The following GARRE1 variants were observed in gnomAD, a reference collection of about 807,000 sequenced individuals.
GARRE1 encodes the protein granule associated Rac and RHOG effector protein 1.
Under a neutral mutation model 103.2 loss-of-function variants are expected in GARRE1, and 49 were observed. The ratio of observed to expected loss-of-function variants is 0.47; its 90% confidence interval spans 0.38 to 0.60. GARRE1 has a LOEUF of 0.60. GARRE1 is among the 20% of genes least tolerant of loss of function. The pLI, the probability that GARRE1 is intolerant of heterozygous loss-of-function variation, is 0.00. For missense variants in GARRE1, 1,199 were observed against 1,370.5 expected (o/e 0.87, Z 1.98); for synonymous variants, 505 against 532.8 (o/e 0.95, Z 0.72).
At chr19:34,321,336 A>G (rs1037264445) in intron 3 of GARRE1, among the ~76,000 whole-genome samples, 1 of 147,112 alleles carries the variant, frequency 6.8e-6, no homozygotes, top group Non-Finnish European at 1.5e-5. Flanking sequence ...TTGGCCTCCC[A>G]AAGTGCTGGG....
intron 2 of GARRE1, among the ~76,000 whole-genome samples, 196 bp from the exon 3 acceptor site, chr19:34,319,711 T>C (rs2074076246): frequency 6.6e-6 from 1 of 152,186 alleles, no homozygotes; most frequent in South Asian, 2.1e-4. Context: ...ATGTTTTGAC[T>C]TCCAGGCATC....
intron 10 of GARRE1, 48 bp from the exon 11 acceptor site, chr19:34,347,829 G>A: frequency 1.4e-6 from 2 of 1,457,350 alleles, no homozygotes; most frequent in Non-Finnish European, 1.8e-6. Flanking sequence ...GAAGGACCAA[G>A]AGGCCAGTTT....
At chr19:34,326,027 T>C (rs959654669) in intron 3 of GARRE1, among the ~76,000 whole-genome samples, 4 of 152,260 alleles carry the variant, frequency 2.6e-5, no homozygotes, top group Admixed American at 2.0e-4. Context: ...TTCTGTGTTT[T>C]CTTTGTTCAC....
chr19:34,343,403 C>A (rs1283718398), intron 10 of GARRE1, among the ~76,000 whole-genome samples: 1 of 151,350 alleles, frequency 6.6e-6, no homozygotes, highest in East Asian at 2.0e-4. Flanking sequence ...TGCCACTACA[C>A]CCCAGCCTGG....
At chr19:34,327,334 G>T in intron 3 of GARRE1, 87 bp from the exon 4 acceptor site, 2 of 1,214,122 alleles carry the variant, frequency 1.6e-6, no homozygotes, top group Non-Finnish European at 2.4e-6. Context: ...TACTTGAGGG[G>T]GTTTTTCTTG....
chr19:34,254,735 CGCTCCGCTCGGGGCCGCAGGGCGCG>C (rs1255265232), intron 1 of GARRE1, 121 bp downstream of exon 1: 1 of 147,530 alleles, frequency 6.8e-6, no homozygotes, highest in Non-Finnish European at 1.5e-5. Flanking sequence ...CGCGGGGCGC[CGCTCCGCTCGGGGCCGCAGGGCGCG>C]GGGCCGTGGG....
At chr19:34,259,430 A>G (rs1018645066) in intron 1 of GARRE1, among the ~76,000 whole-genome samples, 1 of 152,212 alleles carries the variant, frequency 6.6e-6, no homozygotes, top group Admixed American at 6.5e-5. Flanking sequence ...GCTCACATTT[A>G]TGGAGTACCT....
rs1434597528 is a variant in GARRE1, at chr19:34,327,945, A to G, written c.943-45A>G. 3 of 1,613,798 alleles carry G rather than the reference A, an allele frequency of 1.9e-6. No homozygotes were observed. The Admixed American group carries it at 5.0e-5, about 27-fold the overall frequency. ...TAGTGTGAACCAAGTGTTTTGACAG[A>G]TGAGCGATGGGTCACCTCTCCTCTT... On this transcript the variant is annotated intron_variant, in intron 5 of 13. Transcript: ENST00000299505.
At chr19:34,332,978 A>G (rs1344520858) in intron 7 of GARRE1, among the ~76,000 whole-genome samples, 1 of 152,154 alleles carries the variant, frequency 6.6e-6, no homozygotes, top group Non-Finnish European at 1.5e-5. Flanking sequence ...GATAATCTTT[A>G]AAAAAGTTTC....
At chr19:34,256,260 C>T (rs2073672130) in intron 1 of GARRE1, among the ~76,000 whole-genome samples, 5 of 151,434 alleles carry the variant, frequency 3.3e-5, no homozygotes, top group Admixed American at 2.6e-4. Flanking sequence ...GCCTGTAATC[C>T]CAGCACTTTG....
chr19:34,314,837 G>T (rs1049757507), intron 2 of GARRE1, among the ~76,000 whole-genome samples: 1 of 152,042 alleles, frequency 6.6e-6, no homozygotes, highest in Non-Finnish European at 1.5e-5. Context: ...ACTTTCTATA[G>T]CCCAGGCATG....
chr19:34,300,646 C>T lies in GARRE1; in HGVS notation c.173C>T (p.Thr58Ile), dbSNP rs1386494782. ...TATTAPLGSL[T>I]AAGSCHHAMP... ...ACCACTGCCCCCCTGGGCAGTCTGA[C>T]CGCTGCAGGCAGCTGCCACCATGCC... Residue 58 changes from threonine (T) to isoleucine (I), a missense_variant, in exon 2 of 14, where the codon ACC (threonine) becomes ATC (isoleucine). Thr to Ile is a moderately conservative substitution (Grantham distance 89). Transcript: ENST00000299505. The T allele has an allele frequency of 6.2e-7, 1 of 1,613,840 alleles. No individual in the cohort carries two copies. Among genetic ancestry groups the T allele is most frequent in the African/African-American group, 1.3e-5 (1 of 75,074 alleles).
chr19:34,302,125 G>A (rs1384453520), intron 2 of GARRE1, among the ~76,000 whole-genome samples: 1 of 150,372 alleles, frequency 6.7e-6, no homozygotes, highest in Non-Finnish European at 1.5e-5. Context: ...TGAGTAGCTG[G>A]GATTACAGGC....
chr19:34,268,348 T>C (rs888185599), intron 1 of GARRE1, among the ~76,000 whole-genome samples: 2 of 152,226 alleles, frequency 1.3e-5, no homozygotes, highest in African/African-American at 2.4e-5. Flanking sequence ...GACAAAACTT[T>C]CCTTGGCGGG....
intron 12 of GARRE1, among the ~76,000 whole-genome samples, chr19:34,350,738 T>C (rs1216176368): frequency 6.6e-6 from 1 of 151,908 alleles, no homozygotes; most frequent in Non-Finnish European, 1.5e-5. Flanking sequence ...CCCACCACCA[T>C]GCCCGGCTAA....
intron 2 of GARRE1, among the ~76,000 whole-genome samples, chr19:34,312,922 C>T (rs886148189): frequency 2.0e-5 from 3 of 151,804 alleles, no homozygotes; most frequent in Non-Finnish European, 2.9e-5. Context: ...AGTGAAACTC[C>T]GTCTCAGAAA....
intron 1 of GARRE1, among the ~76,000 whole-genome samples, chr19:34,269,827 C>T (rs1316044934): frequency 1.3e-5 from 2 of 152,164 alleles, no homozygotes; most frequent in African/African-American, 4.8e-5. Flanking sequence ...TAGAACAGTT[C>T]AGTTTTTGCA....
At chr19:34,347,687 A>G (rs1374448504) in intron 10 of GARRE1, among the ~76,000 whole-genome samples, 190 bp from the exon 11 acceptor site, 2 of 152,188 alleles carry the variant, frequency 1.3e-5, no homozygotes, top group Non-Finnish European at 2.9e-5. Flanking sequence ...CCTCAGCCCT[A>G]GGTGCGGCAA....
intron 1 of GARRE1, among the ~76,000 whole-genome samples, chr19:34,283,918 G>A (rs374313676): frequency 1.5e-5 from 2 of 135,278 alleles, no homozygotes; most frequent in Non-Finnish European, 1.5e-5. Context: ...TGCAAGCTCC[G>A]CCTCCCAGGT....
Sources: allele counts gnomAD v4.1 joint callset (sites outside exome capture counted in the v4.1 genomes callset), GRCh38; gene constraint gnomAD v4.1.1; transcripts MANE v1.5; gene names NCBI Gene and HGNC (gene_info 2026-07-23, HGNC 2026-07-21).